The following PAK5 variants were observed in gnomAD, a reference collection of about 807,000 sequenced individuals.
PAK5 encodes the protein p21 (RAC1) activated kinase 5.
Under a neutral mutation model 65.9 loss-of-function variants are expected in PAK5, and 16 were observed. The ratio of observed to expected loss-of-function variants is 0.24; its 90% CI spans 0.16 to 0.37. The LOEUF (loss-of-function observed/expected upper bound fraction) is 0.37, where lower values mean the gene tolerates loss of function less well. PAK5 is among the 10% of genes least tolerant of loss of function. PAK5 has a pLI of 1.00. For missense variants in PAK5, 785 were observed against 903.9 expected, an observed-to-expected ratio of 0.87 and a Z score of 1.69; for synonymous variants, 371 against 354.9, an observed-to-expected ratio of 1.05 and a Z score of -0.51.
chr20:9,542,633 G>A lies in PAK5; in HGVS notation c.1957C>T (p.Arg653Trp), dbSNP rs769363113. 8.1e-6 allele frequency: 13 copies of A among 1,613,324 alleles called. No individual in the cohort carries two copies. The highest frequency in any genetic ancestry group is 1.7e-4 in the Middle Eastern group (1 of 6,056). The change falls in exon 9 of 10, where the codon CGG becomes TGG. Residue 653 changes from arginine to tryptophan, a missense_variant. Arg to Trp is a moderately radical substitution (Grantham distance 101). Around this residue, in one of 4 missense-constraint regions of PAK5, gnomAD observed 110 missense variants for 107.4 expected, o/e 1.02. Transcript: ENST00000353224. The part of the protein sequence containing the change: ...YFNEPPLQAM[R>W]RIRDSLPPRV... ...GGAGGTAAACTGTCCCGGATCCTCC[G>A]CATCGCCTGGAGGGGAGGCTCATTG...
At chr20:9,703,596 C>T (rs1297330914) in intron 2 of PAK5, among the ~76,000 whole-genome samples, 4 of 152,020 alleles carry the variant, frequency 2.6e-5, no homozygotes, top group South Asian at 2.1e-4. Context: ...TGTGGTTCTC[C>T]GGTCTAGCTC....
chr20:9,747,914 C>T (rs1259987853), intron 1 of PAK5, among the ~76,000 whole-genome samples: 1 of 151,974 alleles, frequency 6.6e-6, no homozygotes, highest in Non-Finnish European at 1.5e-5. Context: ...TTGCAGATGA[C>T]ATGATTGTAT....
At chr20:9,564,363 C>T (rs2045639195) in intron 5 of PAK5, among the ~76,000 whole-genome samples, 1 of 152,140 alleles carries the variant, frequency 6.6e-6, no homozygotes, top group Non-Finnish European at 1.5e-5. Flanking sequence ...ATCAATAGCT[C>T]CTACACATCA....
chr20:9,620,959 A>AAGAGAG (rs71803029), intron 3 of PAK5, among the ~76,000 whole-genome samples: 3 of 147,052 alleles, frequency 2.0e-5, no homozygotes, highest in African/African-American at 7.5e-5. Flanking sequence ...GAGAGAGAGA[A>AAGAGAG]AGAGAGAGAG....
At chr20:9,821,438 T>C (rs1377131810) in intron 1 of PAK5, among the ~76,000 whole-genome samples, 1 of 152,112 alleles carries the variant, frequency 6.6e-6, no homozygotes, top group Non-Finnish European at 1.5e-5. Context: ...AATCCAAGGT[T>C]AACTGTGATT....
chr20:9,580,688 C>T lies in PAK5; in HGVS notation c.447G>A (p.Lys149=), dbSNP rs2045963634. 1.9e-6 allele frequency: 3 copies of T among 1,613,948 alleles called. No homozygotes were observed. Among genetic ancestry groups the T allele is most frequent in the East Asian group, 4.5e-5 (2 of 44,868 alleles). The change falls in exon 4 of 10, where the codon AAG becomes AAA. Residue 149 remains lysine, a synonymous_variant. Coordinates refer to ENST00000353224, the MANE Select transcript of PAK5 (RefSeq NM_177990.4). ...ADYTTEKYRE[K]SLYGDDLDPY... is the part of the protein sequence containing the mutation. ...GATCCAGATCATCTCCATAGAGACT[C>T]TTCTCCCTGTACTTTTCGGTCGTGT...
At chr20:9,736,237 G>A (rs914114912) in intron 1 of PAK5, among the ~76,000 whole-genome samples, 11 of 152,034 alleles carry the variant, frequency 7.2e-5, no homozygotes, top group African/African-American at 2.7e-4. Context: ...ATAGGGAAAT[G>A]ATCTAAAATA....
chr20:9,786,659 TTA>T (rs1326022570), intron 1 of PAK5, among the ~76,000 whole-genome samples: 35 of 152,188 alleles, frequency 2.3e-4, no homozygotes, highest in African/African-American at 8.2e-4. Flanking sequence ...ATACCGTTAT[TTA>T]AATATACTCT....
At chr20:9,762,889 A>G (rs536749745) in intron 1 of PAK5, among the ~76,000 whole-genome samples, 1 of 152,280 alleles carries the variant, frequency 6.6e-6, no homozygotes, top group African/African-American at 2.4e-5. Flanking sequence ...AGGAAAATGG[A>G]TTTTAAACTG....
chr20:9,640,925 C>T (rs567399090), intron 3 of PAK5, among the ~76,000 whole-genome samples: 1 of 152,270 alleles, frequency 6.6e-6, no homozygotes, highest in African/African-American at 2.4e-5. Flanking sequence ...AGATTTATTG[C>T]AAAGAGCGAA....
chr20:9,809,205 A>T (rs938805004), intron 1 of PAK5, among the ~76,000 whole-genome samples: 24 of 152,116 alleles, frequency 1.6e-4, no homozygotes, highest in Non-Finnish European at 2.8e-4. Flanking sequence ...AAGCTTACTT[A>T]AAAATATAGA....
intron 3 of PAK5, among the ~76,000 whole-genome samples, chr20:9,617,257 T>G (rs964315242): frequency 1.4e-4 from 22 of 152,166 alleles, no homozygotes; most frequent in African/African-American, 5.3e-4. Flanking sequence ...GCCCGTGTAC[T>G]TTTCTTGAGA....
In PAK5 at chr20:9,641,734, G is replaced by A. The variant is rs1285084661; in HGVS notation, c.204+2391C>T. Among the ~76,000 whole-genome samples, 28 of 152,242 alleles carry A rather than the reference G, an allele frequency of 1.8e-4. No individual in the cohort carries two copies. In the East Asian group the frequency reaches 4.5e-3, roughly 24 times the overall value. ...GGCTGCAGGTCCCAAGCCCTGCCCC[G>A]TGGGAAGGCAGCTAAGGCCCGGCGA... On this transcript the variant is annotated intron_variant, in intron 3 of 9. Transcript: ENST00000353224.
intron 1 of PAK5, among the ~76,000 whole-genome samples, chr20:9,762,837 C>T (rs2123652017): frequency 6.6e-6 from 1 of 152,208 alleles, no homozygotes; most frequent in South Asian, 2.1e-4. Context: ...TGGCATTACA[C>T]ATAATAGCCA....
At chr20:9,642,090 C>T (rs1199206458) in intron 3 of PAK5, among the ~76,000 whole-genome samples, 3 of 152,202 alleles carry the variant, frequency 2.0e-5, no homozygotes, top group Non-Finnish European at 4.4e-5. Flanking sequence ...AGTGGGAGCC[C>T]AGGCAGGGGA....
chr20:9,574,679 T>C (rs1434234552), intron 4 of PAK5, among the ~76,000 whole-genome samples: 4 of 152,132 alleles, frequency 2.6e-5, no homozygotes, highest in Non-Finnish European at 4.4e-5. Flanking sequence ...GGAAGAAGTG[T>C]CCATTCATAT....
chr20:9,546,417 T>C (rs2045345499), intron 7 of PAK5, among the ~76,000 whole-genome samples: 1 of 152,206 alleles, frequency 6.6e-6, no homozygotes, highest in East Asian at 1.9e-4. Flanking sequence ...GTACACACTT[T>C]AGGTTTATCA....
intron 3 of PAK5, among the ~76,000 whole-genome samples, chr20:9,640,583 G>A (rs1191663031): frequency 6.6e-6 from 1 of 152,172 alleles, no homozygotes; most frequent in Non-Finnish European, 1.5e-5. Context: ...GAATTGGTGG[G>A]TTCTTGGTCT....
chr20:9,608,594 G>C (rs955470559), intron 3 of PAK5, among the ~76,000 whole-genome samples: 3 of 152,186 alleles, frequency 2.0e-5, no homozygotes, highest in Non-Finnish European at 2.9e-5. Context: ...AAAATCAGAG[G>C]AAAAATATTT....
Sources: gnomAD v4.1 joint callset for allele counts (sites outside exome capture counted in the v4.1 genomes callset) on GRCh38, gnomAD v4.1.1 for gene constraint, gnomAD v4.1.1 regional missense constraint, MANE v1.5 for transcripts, NCBI Gene and HGNC (gene_info 2026-07-23, HGNC 2026-07-21) for gene names.